EYS: variants seen among roughly 807,000 people sequenced by gnomAD.
The protein encoded by EYS is protein eyes shut homolog.
Under a neutral mutation model 282.1 loss-of-function variants are expected in EYS, and 250 were observed. That is an observed-to-expected ratio of 0.89 (90% CI 0.80 to 0.98). The LOEUF (loss-of-function observed/expected upper bound fraction) is 0.98. Among genes scored for constraint, EYS ranks in the 50% least tolerant of loss-of-function variants. EYS has a pLI of 0.00. For missense variants in EYS, 4,016 were observed against 3,709.0 expected (o/e 1.08, Z -2.15); for synonymous variants, 1,355 against 1,282.9 (o/e 1.06, Z -1.20).
At chr6:65,083,833 T>C (rs921031915) in intron 12 of EYS, among the ~76,000 whole-genome samples, 1 of 151,762 alleles carries the variant, frequency 6.6e-6, no homozygotes, top group Admixed American at 6.6e-5. Context: ...TATGATACTA[T>C]ATTTGATTTT....
At chr6:65,306,859 A>AAAAAAAAAAAAAAAAAAAAAAT (rs1346343044) in intron 11 of EYS, among the ~76,000 whole-genome samples, 1 of 142,400 alleles carries the variant, frequency 7.0e-6, no homozygotes, top group Non-Finnish European at 1.5e-5. Flanking sequence ...AAAAAAAAAA[A>AAAAAAAAAAAAAAAAAAAAAAT]AAAGAAAGTC....
intron 2 of EYS, among the ~76,000 whole-genome samples, chr6:65,563,262 C>G (rs1487906979): frequency 6.6e-6 from 1 of 152,058 alleles, no homozygotes; most frequent in African/African-American, 2.4e-5. Flanking sequence ...ATCAGTAATT[C>G]ATTACCAATT....
intron 2 of EYS, among the ~76,000 whole-genome samples, chr6:65,590,678 T>A (rs1765198586): frequency 6.6e-6 from 1 of 152,044 alleles, no homozygotes; most frequent in Non-Finnish European, 1.5e-5. Context: ...TACTCTTTAC[T>A]TCTAGAAGAT....
intron 30 of EYS, among the ~76,000 whole-genome samples, chr6:64,256,210 T>A (rs186116173): frequency 5.2e-4 from 79 of 152,148 alleles, no homozygotes; most frequent in Non-Finnish European, 1.1e-3. Flanking sequence ...AGATTCATCT[T>A]GATAAATTTT....
At chr6:64,924,780 C>T (rs1768459689) in intron 15 of EYS, among the ~76,000 whole-genome samples, 2 of 152,152 alleles carry the variant, frequency 1.3e-5, no homozygotes, top group Admixed American at 1.3e-4. Context: ...CTCCAGTTCC[C>T]AACAAGTTCT....
chr6:64,365,806 T>C (rs560570450), intron 29 of EYS, among the ~76,000 whole-genome samples: 1 of 152,062 alleles, frequency 6.6e-6, no homozygotes, highest in East Asian at 1.9e-4. Context: ...ATGAATGTCA[T>C]CTCTCTCTCT....
chr6:63,831,029 C>G (rs890243244), intron 36 of EYS, among the ~76,000 whole-genome samples: 2 of 152,146 alleles, frequency 1.3e-5, no homozygotes, highest in Non-Finnish European at 2.9e-5. Flanking sequence ...GAGATTTTGT[C>G]ACCACCAGGC....
chr6:64,201,597 T>G (rs1183513405), intron 31 of EYS, among the ~76,000 whole-genome samples: 14 of 152,122 alleles, frequency 9.2e-5, no homozygotes, highest in Admixed American at 9.2e-4. Flanking sequence ...ATAGCCCTAT[T>G]ACGTTGAAAA....
chr6:65,167,598 A>G (rs1254412452), intron 12 of EYS, among the ~76,000 whole-genome samples: 10 of 151,268 alleles, frequency 6.6e-5, no homozygotes, highest in Admixed American at 2.0e-4. Context: ...ATTAAAAGAT[A>G]GAAGGATAGG....
intron 22 of EYS, among the ~76,000 whole-genome samples, chr6:64,688,630 T>C (rs942872626): frequency 2.6e-5 from 4 of 152,054 alleles, no homozygotes; most frequent in African/African-American, 9.7e-5. Flanking sequence ...TGCTGAGGAG[T>C]GCTTTACTTC....
At chr6:65,585,031 A>G (rs1323986100) in intron 2 of EYS, among the ~76,000 whole-genome samples, 2 of 151,794 alleles carry the variant, frequency 1.3e-5, no homozygotes, top group Non-Finnish European at 2.9e-5. Flanking sequence ...GATATTTTAC[A>G]AGATAAAAGT....
chr6:64,065,599 T>G (rs762132432), intron 33 of EYS, among the ~76,000 whole-genome samples: 5 of 152,206 alleles, frequency 3.3e-5, no homozygotes, highest in Non-Finnish European at 7.4e-5. Context: ...TTTTGGTTTT[T>G]CTTTTCTACT....
At chr6:64,319,034 C>T (rs187391399) in intron 29 of EYS, among the ~76,000 whole-genome samples, 233 of 151,418 alleles carry the variant, frequency 1.5e-3, no homozygotes, top group Non-Finnish European at 2.5e-3. Context: ...TATTTTTGTG[C>T]GTATTAACCT....
intron 12 of EYS, among the ~76,000 whole-genome samples, chr6:65,208,022 A>G (rs1276696958): frequency 2.0e-5 from 3 of 151,848 alleles, no homozygotes; most frequent in Non-Finnish European, 2.9e-5. Context: ...ACTGGGAATT[A>G]AACTGAAAAG....
chr6:65,453,054 G>C (rs1452178133), intron 5 of EYS, among the ~76,000 whole-genome samples: 2 of 151,984 alleles, frequency 1.3e-5, no homozygotes, highest in Non-Finnish European at 2.9e-5. Flanking sequence ...TTGATTACTT[G>C]TTTGTTCATA....
chr6:64,915,580 C>T (rs1768135025), intron 15 of EYS, among the ~76,000 whole-genome samples: 1 of 152,108 alleles, frequency 6.6e-6, no homozygotes, highest in Admixed American at 6.5e-5. Context: ...TGGCCACCTA[C>T]ACTGTTTACT....
chr6:64,977,384 A>C (rs1272433704), intron 14 of EYS, among the ~76,000 whole-genome samples: 1 of 151,978 alleles, frequency 6.6e-6, no homozygotes, highest in African/African-American at 2.4e-5. Flanking sequence ...GCAAACTTAA[A>C]TAATAAATGT....
At chr6:64,607,472 C>A (rs1766971439) in intron 24 of EYS, among the ~76,000 whole-genome samples, 1 of 152,014 alleles carries the variant, frequency 6.6e-6, no homozygotes, top group Non-Finnish European at 1.5e-5. Context: ...TGCCTTCTAA[C>A]TATGTCCTCA....
intron 12 of EYS, among the ~76,000 whole-genome samples, chr6:65,264,020 G>T (rs1417026047): frequency 6.6e-6 from 1 of 152,134 alleles, no homozygotes; most frequent in Admixed American, 6.6e-5. Context: ...TGAGAAAAAA[G>T]TAGAGGAGTT....
Sources: allele counts gnomAD v4.1 joint callset (sites outside exome capture counted in the v4.1 genomes callset), GRCh38; gene constraint gnomAD v4.1.1; transcripts MANE v1.5; gene names NCBI Gene and HGNC (gene_info 2026-07-23, HGNC 2026-07-21).